TDRP: variants seen among roughly 807,000 people sequenced by gnomAD.
TDRP encodes the protein testis development related protein, also known as testis development-related protein.
TDRP carries 12 observed loss-of-function variants against 10.5 expected under a neutral mutation model. That is an observed-to-expected ratio of 1.15 (90% CI 0.73 to 1.86). TDRP has a LOEUF of 1.86. Among genes scored for constraint, TDRP ranks in the 40% most tolerant of loss-of-function variants. The probability of loss-of-function intolerance (pLI) is 0.00; values close to 1 mark genes in which losing one functional copy is unlikely to be tolerated. For missense variants in TDRP, 353 were observed against 229.2 expected (o/e 1.54, Z -3.49); for synonymous variants, 139 against 95.4 (o/e 1.46, Z -2.67).
At chr8:496,732 C>T (rs1332157708) in intron 1 of TDRP, among the ~76,000 whole-genome samples, 1 of 152,208 alleles carries the variant, frequency 6.6e-6, no homozygotes, top group Admixed American at 6.5e-5. Flanking sequence ...TCTGTGTCCC[C>T]ACACAAGTCT....
chr8:499,393 T>A (rs1383453239), intron 1 of TDRP, among the ~76,000 whole-genome samples: 1 of 152,130 alleles, frequency 6.6e-6, no homozygotes, highest in East Asian at 1.9e-4. Context: ...AACCCACATT[T>A]CCAGTTGTGT....
At chr8:514,337 C>G (rs746783490) in intron 1 of TDRP, among the ~76,000 whole-genome samples, 4 of 152,078 alleles carry the variant, frequency 2.6e-5, no homozygotes, top group African/African-American at 4.8e-5. Context: ...AGAAGAGTGC[C>G]AAGACAATTC....
intron 1 of TDRP, among the ~76,000 whole-genome samples, chr8:509,380 C>T (rs2116772133): frequency 6.6e-6 from 1 of 152,322 alleles, no homozygotes. Flanking sequence ...TCTGGACATC[C>T]AGGTGTTTCC....
intron 1 of TDRP, among the ~76,000 whole-genome samples, chr8:496,239 C>G (rs1308269983): frequency 6.6e-6 from 1 of 152,198 alleles, no homozygotes; most frequent in Non-Finnish European, 1.5e-5. Flanking sequence ...CTTTGGCACA[C>G]TTGTATGCAC....
rs1246424931 is a variant in TDRP at position 491,530 on chromosome 8, T to C, written c.*869A>G. 2 of 1,360,414 alleles carry C rather than the reference T, an allele frequency of 1.5e-6. No homozygotes were observed. The highest frequency in any genetic ancestry group is 2.8e-5 in the South Asian group (2 of 70,370). 84.3% of individuals were successfully genotyped at this position (1,360,414 alleles called of 1,614,324 possible). A position where few individuals can be genotyped will look rare whatever the true frequency, so the allele number is the denominator to read the frequency against. On this transcript the variant is annotated 3_prime_UTR_variant, in exon 3 of 3. Coordinates refer to ENST00000324079, the MANE Select transcript of TDRP (RefSeq NM_001384899.1). ...ACACCAATCACAATAGGCATCTCGC[T>C]TTGCAAGAACAAACATATGAGCCTA...
At chr8:544,943 C>T (rs1802600957), upstream of TDRP, 4 of 352,086 alleles carry the variant, frequency 1.1e-5, no homozygotes, top group Non-Finnish European at 1.9e-5. Flanking sequence ...CGCCCCAAAC[C>T]CTCCCCAGGA....
In TDRP at chr8:536,319, C is replaced by G. The variant is rs1802347403; in HGVS notation, c.108+8331G>C. Among the ~76,000 whole-genome samples, 3 of 152,320 alleles carry G rather than the reference C, an allele frequency of 2.0e-5. No individual in the cohort carries two copies. In the South Asian group the frequency reaches 6.2e-4, roughly 32 times the overall value. On this transcript the variant is annotated intron_variant, in intron 1 of 2. Coordinates refer to ENST00000324079, the MANE Select transcript of TDRP (RefSeq NM_001384899.1). ...GCTGATCTGAGTCTGGGAGAAGATT[C>G]TAGAGCTGTGCTTTCCAAATCAGTT...
intron 1 of TDRP, among the ~76,000 whole-genome samples, chr8:515,300 G>A (rs1801728432): frequency 1.3e-5 from 2 of 152,150 alleles, no homozygotes; most frequent in South Asian, 4.2e-4. Context: ...GTAAAATTAG[G>A]AAATCTCTGA....
At chr8:543,464 G>A (rs1802554077) in intron 1 of TDRP, among the ~76,000 whole-genome samples, 1 of 151,818 alleles carries the variant, frequency 6.6e-6, no homozygotes, top group African/African-American at 2.4e-5. Flanking sequence ...GTTATTTGTA[G>A]CTTCTGCAGT....
At chr8:534,320 T>C (rs982039605) in intron 1 of TDRP, among the ~76,000 whole-genome samples, 23 of 152,218 alleles carry the variant, frequency 1.5e-4, no homozygotes, top group Admixed American at 2.0e-4. Context: ...ATTATTGCTG[T>C]TAAGGGAAAC....
Position 491,801 on chromosome 8 carries a change from T to A in TDRP, c.*598A>T. On this transcript the variant is annotated 3_prime_UTR_variant, in exon 3 of 3. Coordinates refer to ENST00000324079, the MANE Select transcript of TDRP (RefSeq NM_001384899.1). The stretch of plus-strand genomic sequence containing the variant: ...CAGTGGACATACAAGAAGCTATTCC[T>A]CCCTCAGCAAAAGATGAACATGCAT... 1.2e-5 allele frequency: 15 copies of A among 1,257,266 alleles called. No individual in the cohort carries two copies. Among genetic ancestry groups the A allele is most frequent in the Non-Finnish European group, 1.5e-5 (15 of 1,002,952 alleles). 77.9% of individuals were successfully genotyped at this position (1,257,266 alleles called of 1,614,324 possible).
At chr8:510,683 G>A (rs1801592650) in intron 1 of TDRP, among the ~76,000 whole-genome samples, 1 of 152,200 alleles carries the variant, frequency 6.6e-6, no homozygotes, top group Non-Finnish European at 1.5e-5. Context: ...TTTCCTAGAT[G>A]AATAAATCTG....
At chr8:524,640 A>G (rs1801989939) in intron 1 of TDRP, among the ~76,000 whole-genome samples, 1 of 152,226 alleles carries the variant, frequency 6.6e-6, no homozygotes, top group Non-Finnish European at 1.5e-5. Context: ...ATTCTGAAAA[A>G]TTTACAAGCT....
intron 1 of TDRP, among the ~76,000 whole-genome samples, chr8:500,309 T>G (rs1801251654): frequency 6.6e-6 from 1 of 152,222 alleles, no homozygotes; most frequent in Non-Finnish European, 1.5e-5. Flanking sequence ...AACGGCAGTG[T>G]CTTATCAAAA....
chr8:514,935 G>C (rs1313105217), intron 1 of TDRP, among the ~76,000 whole-genome samples: 1 of 152,138 alleles, frequency 6.6e-6, no homozygotes, highest in Non-Finnish European at 1.5e-5. Flanking sequence ...TGAAGGAATT[G>C]GATCATGATG....
intron 1 of TDRP, among the ~76,000 whole-genome samples, chr8:522,341 A>G (rs1801927477): frequency 1.3e-5 from 2 of 152,212 alleles, no homozygotes; most frequent in Admixed American, 6.5e-5. Flanking sequence ...GTTGTATGTA[A>G]GAAAACCCAA....
chr8:545,553 A>T (rs924037271), upstream of TDRP: 1 of 152,166 alleles, frequency 6.6e-6, no homozygotes. Flanking sequence ...GCTGGCGCTC[A>T]GGCCGCGGCA....
intron 1 of TDRP, among the ~76,000 whole-genome samples, chr8:523,702 G>T (rs1439667350): frequency 1.3e-5 from 2 of 152,178 alleles, no homozygotes; most frequent in African/African-American, 4.8e-5. Context: ...AAGGGGAGAG[G>T]CTCCTCTGCT....
At chr8:523,732 A>AGTGGGAAGGACTC (rs1300621033) in intron 1 of TDRP, among the ~76,000 whole-genome samples, 1 of 152,062 alleles carries the variant, frequency 6.6e-6, no homozygotes, top group Non-Finnish European at 1.5e-5. Context: ...GGGAGGGAAG[A>AGTGGGAAGGACTC]GTGGGAAGGA....
Sources: gnomAD v4.1 joint callset for allele counts (sites outside exome capture counted in the v4.1 genomes callset) on GRCh38, gnomAD v4.1.1 for gene constraint, MANE v1.5 for transcripts, NCBI Gene and HGNC (gene_info 2026-07-23, HGNC 2026-07-21) for gene names.